The following NUP58 variants were observed in gnomAD, a reference collection of about 807,000 sequenced individuals.
The protein encoded by NUP58 is nucleoporin p58/p45.
Under a neutral mutation model 70.1 loss-of-function variants are expected in NUP58, and 17 were observed. The observed-to-expected ratio is 0.24, with a 90% CI of 0.17 to 0.36. The LOEUF (loss-of-function observed/expected upper bound fraction) is 0.36, where lower values mean the gene tolerates loss of function less well. Among genes scored for constraint, NUP58 ranks in the 10% least tolerant of loss-of-function variants. NUP58 has a pLI of 1.00. For missense variants in NUP58, 644 were observed against 701.5 expected, an observed-to-expected ratio of 0.92 and a Z score of 0.93; for synonymous variants, 275 against 257.6, an observed-to-expected ratio of 1.07 and a Z score of -0.65.
chr13:25,339,828 A>T, intron 15 of NUP58, 137 bp from the exon 16 acceptor site: 1 of 719,834 alleles, frequency 1.4e-6, no homozygotes, highest in South Asian at 2.4e-5. Flanking sequence ...TCATGTTAGA[A>T]ATTTAGGGCT....
At chr13:25,306,244 A>G (rs1352483348) in intron 1 of NUP58, among the ~76,000 whole-genome samples, 1 of 151,988 alleles carries the variant, frequency 6.6e-6, no homozygotes, top group Non-Finnish European at 1.5e-5. Context: ...TCTCTAGTAA[A>G]AATACAAAAA....
At chr13:25,317,105 G>T (rs1283831377) in intron 6 of NUP58, among the ~76,000 whole-genome samples, 1 of 152,034 alleles carries the variant, frequency 6.6e-6, no homozygotes, top group East Asian at 1.9e-4. Context: ...CAGTACCAGT[G>T]TGGGATTTAA....
rs2030449392 is a variant in NUP58, at chr13:25,307,852, A to G, written c.154A>G (p.Thr52Ala). 1.2e-6 allele frequency: 2 copies of G among 1,613,994 alleles called. No homozygotes were observed. The change falls in exon 2 of 16, where the codon ACT (threonine) becomes GCT (alanine). Residue 52 changes from threonine to alanine, a missense_variant. This residue lies in a region of NUP58 where 430 missense variants were observed against 409.2 expected (regional missense o/e 1.05). Transcript: ENST00000381736. ...TTTTGGAAATCTTGGAAGTACTTCA[A>G]CTCCAGCAACTACATCTGCTCCTTC... is the stretch of plus-strand genomic sequence containing the variant. ...LNFGNLGSTS[T>A]PATTSAPSSG...
At position 25,320,564 on chromosome 13, in the gene NUP58, C is replaced by T; in HGVS notation, c.745C>T (p.Pro249Ser). 1 of 1,610,894 alleles carries T rather than the reference C, an allele frequency of 6.2e-7. No homozygotes were observed. Among genetic ancestry groups the T allele is most frequent in the Non-Finnish European group, 8.5e-7 (1 of 1,177,688 alleles). ...AGCTCTGAAGGATGAAAATCTACCTCCTGTCATCTGCCAGGATGTTGAAAA... is the reference window on the plus strand; with the variant it reads ...AGCTCTGAAGGATGAAAATCTACCTTCTGTCATCTGCCAGGATGTTGAAAA... ...SKALKDENLP[P>S]VICQDVENLQ... Residue 249 changes from proline to serine, a missense_variant, in exon 8 of 16, where the codon CCT becomes TCT. Around this residue, in one of 4 missense-constraint regions of NUP58, gnomAD observed 430 missense variants for 409.2 expected, o/e 1.05. Transcript: ENST00000381736.
chr13:25,349,344 T>A (rs548081974), intron 3 of NUP58, among the ~76,000 whole-genome samples: 11 of 152,240 alleles, frequency 7.2e-5, no homozygotes, highest in Non-Finnish European at 1.5e-4. Flanking sequence ...AGGGTTAGAA[T>A]CTCAGCTTTA....
chr13:25,327,972 G>A (rs1028086023), intron 12 of NUP58, among the ~76,000 whole-genome samples: 3 of 152,014 alleles, frequency 2.0e-5, no homozygotes, highest in Non-Finnish European at 2.9e-5. Context: ...AGGCCGAGGC[G>A]GGCGAATCAC....
intron 14 of NUP58, 104 bp from the exon 15 acceptor site, chr13:25,338,532 C>T: frequency 1.4e-6 from 1 of 736,394 alleles, no homozygotes; most frequent in Non-Finnish European, 2.4e-6. Flanking sequence ...TGTTTTTCAG[C>T]ACTGTATCTG....
At chr13:25,337,653 AT>A in intron 14 of NUP58, among the ~76,000 whole-genome samples, 1 of 152,314 alleles carries the variant, frequency 6.6e-6, no homozygotes, top group South Asian at 2.1e-4. Flanking sequence ...AGTTGGTTGT[AT>A]TTTCACAGGC....
chr13:25,312,711 A>G (rs2030728711), intron 3 of NUP58, among the ~76,000 whole-genome samples, 172 bp from the exon 4 acceptor site: 2 of 152,166 alleles, frequency 1.3e-5, no homozygotes, highest in African/African-American at 2.4e-5. Context: ...TGTGTTCACC[A>G]TGGTTTAGTC....
intron 1 of NUP58, 138 bp from the exon 2 acceptor site, chr13:25,307,668 A>G (rs1034107597): frequency 2.4e-5 from 18 of 746,824 alleles, no homozygotes; most frequent in South Asian, 6.6e-5. Context: ...TTTGGGTCCT[A>G]TGACAATGTA....
At chr13:25,343,834 T>C (rs1229792767), downstream of NUP58, among the ~76,000 whole-genome samples, 11 of 147,012 alleles carry the variant, frequency 7.5e-5, no homozygotes, top group African/African-American at 2.2e-4. Flanking sequence ...TATACACATA[T>C]ATATATACGC....
At chr13:25,344,248 A>T (rs757702058), downstream of NUP58, among the ~76,000 whole-genome samples, 1 of 152,080 alleles carries the variant, frequency 6.6e-6, no homozygotes, top group Non-Finnish European at 1.5e-5. Flanking sequence ...TTCCTGAGAG[A>T]TATGTCTAGT....
chr13:25,310,209 T>TG (rs2030589430), intron 3 of NUP58, among the ~76,000 whole-genome samples: 1 of 17,662 alleles, frequency 5.7e-5, no homozygotes, highest in South Asian at 1.1e-3. Flanking sequence ...TTGGCTAATT[T>TG]TTTTTTTTTT....
Position 25,305,143 on chromosome 13 carries a change from T to TGTTGTTTG in NUP58, c.108-2663_108-2662insGTTGTTTG, listed in dbSNP as rs1222389603. Among the ~76,000 whole-genome samples the TGTTGTTTG allele has an allele frequency of 8.7e-4, 9 of 10,306 alleles. 1 individual carries two copies. Among genetic ancestry groups the TGTTGTTTG allele is most frequent in the East Asian group, 0.012 (2 of 170 alleles). 6.8% of individuals were successfully genotyped at this position (10,306 alleles called of 152,430 possible). On this transcript the variant is annotated intron_variant, in intron 1 of 15. Coordinates refer to ENST00000381736, the MANE Select transcript of NUP58 (RefSeq NM_014089.4). ...AAGATCTGTGGGGTTTTTTTTTTTT[T>TGTTGTTTG]TTTTTTTTTTTTTTTTTTGAGACAG...
At chr13:25,331,039 A>G (rs1485461387) in intron 12 of NUP58, among the ~76,000 whole-genome samples, 1 of 152,104 alleles carries the variant, frequency 6.6e-6, no homozygotes, top group Non-Finnish European at 1.5e-5. Context: ...CTTTTCATCC[A>G]TCCATCTGCA....
downstream of NUP58, among the ~76,000 whole-genome samples, chr13:25,343,859 A>T (rs1016366884): frequency 5.1e-5 from 7 of 136,104 alleles, no homozygotes; most frequent in Non-Finnish European, 9.3e-5. Context: ...ACACACATAC[A>T]TACACACACA....
At chr13:25,338,447 G>A (rs2031857095) in intron 14 of NUP58, among the ~76,000 whole-genome samples, 189 bp from the exon 15 acceptor site, 1 of 152,060 alleles carries the variant, frequency 6.6e-6, no homozygotes, top group Admixed American at 6.6e-5. Context: ...AGATATAAAC[G>A]TTTTATTTCA....
Position 25,326,925 on chromosome 13 carries a change from A to T in NUP58, c.1041A>T (p.Arg347Ser). Residue 347 changes from arginine to serine, a missense_variant, in exon 11 of 16, where the codon AGA (arginine) becomes AGT (serine). By Grantham distance (110) the Arg-to-Ser change is moderately radical. Around this residue, in one of 4 missense-constraint regions of NUP58, gnomAD observed 430 missense variants for 409.2 expected, o/e 1.05. Coordinates refer to ENST00000381736, the MANE Select transcript of NUP58 (RefSeq NM_014089.4). Reference sequence around the variant, plus strand: ...TAAATGTTTTTTAAAGCTACTTCAGAATCTTGGTTCAGCAATTTGAGGTAC... The same window carrying T: ...TAAATGTTTTTTAAAGCTACTTCAGTATCTTGGTTCAGCAATTTGAGGTAC... ...HEYAAPADYFRILVQQFEVQL... is the reference protein window; with the variant it reads ...HEYAAPADYFSILVQQFEVQL... 1 of 1,573,882 alleles carries T rather than the reference A, an allele frequency of 6.4e-7. No homozygotes were observed. The highest frequency in any genetic ancestry group is 8.6e-7 in the Non-Finnish European group (1 of 1,159,498).
At chr13:25,334,789 A>G (rs1489854378) in intron 13 of NUP58, 1 of 984,510 alleles carries the variant, frequency 1.0e-6, no homozygotes, top group East Asian at 1.1e-4. Flanking sequence ...TTACAGCGCT[A>G]AACCTGGTTT....
Sources: gnomAD v4.1 joint callset for allele counts (sites outside exome capture counted in the v4.1 genomes callset) on GRCh38, gnomAD v4.1.1 for gene constraint, gnomAD v4.1.1 regional missense constraint, MANE v1.5 for transcripts, NCBI Gene and HGNC (gene_info 2026-07-23, HGNC 2026-07-21) for gene names.